Variants in NLGN4Y observed in about 807,000 individuals in gnomAD.
NLGN4Y encodes neuroligin 4 Y-linked, also known as neuroligin-4, Y-linked.
A neutral mutation model predicts 8.4 loss-of-function variants in NLGN4Y; 4 were observed. The ratio of observed to expected loss-of-function variants is 0.48; its 90% CI spans 0.23 to 1.09. The LOEUF (loss-of-function observed/expected upper bound fraction) is 1.09, where lower values mean the gene tolerates loss of function less well. Ranked by LOEUF, NLGN4Y falls within the 50% of genes least tolerant of loss-of-function variation. NLGN4Y has a pLI of 0.19. For synonymous variants in NLGN4Y, 35 were observed against 75.6 expected (o/e 0.46, Z 2.78); for missense variants, 90 against 192.3 (o/e 0.47, Z 3.15).
At chrY:14,792,522 G>T in intron 4 of NLGN4Y, among the ~76,000 whole-genome samples, 1 of 31,224 alleles carries the variant, frequency 3.2e-5, no homozygotes, top group Non-Finnish European at 7.7e-5. Flanking sequence ...AGGCATGGTG[G>T]CTCACACTTG....
intron 4 of NLGN4Y, among the ~76,000 whole-genome samples, chrY:14,779,563 C>A (rs974612328): frequency 9.0e-5 from 3 of 33,183 alleles, no homozygotes; most frequent in Non-Finnish European, 1.5e-4. Context: ...GCCAGCCAGC[C>A]AGCCAGCCTG....
At chrY:14,773,526 C>T (rs1041740695) in intron 4 of NLGN4Y, among the ~76,000 whole-genome samples, 1 of 31,867 alleles carries the variant, frequency 3.1e-5, no homozygotes, top group Admixed American at 2.9e-4. Flanking sequence ...GTCCTCTCCC[C>T]GTCAAGCTAC....
At chrY:14,593,732 C>T in intron 1 of NLGN4Y, among the ~76,000 whole-genome samples, 1 of 33,342 alleles carries the variant, frequency 3.0e-5, no homozygotes, top group African/African-American at 1.2e-4. Flanking sequence ...TCTCCTTCAC[C>T]TTTCTGATGG....
chrY:14,662,717 G>C (rs750411529), intron 2 of NLGN4Y, among the ~76,000 whole-genome samples: 40 of 33,270 alleles, frequency 1.2e-3, no homozygotes, highest in African/African-American at 4.3e-3. Context: ...TATATCTTTT[G>C]TTTTAAATTT....
At chrY:14,600,914 G>A (rs2150498187) in intron 1 of NLGN4Y, among the ~76,000 whole-genome samples, 1 of 31,439 alleles carries the variant, frequency 3.2e-5, no homozygotes, top group African/African-American at 1.2e-4. Context: ...GTAAATTAGT[G>A]TTGACTGCAG....
In NLGN4Y at chrY:14,841,361, T is replaced by C; in HGVS notation, c.*99T>C. On this transcript the variant is annotated 3_prime_UTR_variant, in exon 7 of 7. Transcript: ENST00000684976. ...AAAATCTCCAAACCAGGAATGTTTT[T>C]GTGCCACTGACTTTAGATAAAAATG... 4 of 317,624 alleles carry C rather than the reference T, an allele frequency of 1.3e-5. No individual in the cohort carries two copies. Among genetic ancestry groups the C allele is most frequent in the Non-Finnish European group, 1.8e-5 (4 of 216,924 alleles). The allele number at this position is 317,624 out of a possible 400,897, so 79.2% of individuals were successfully genotyped here.
At chrY:14,548,028 C>T in intron 1 of NLGN4Y, among the ~76,000 whole-genome samples, 7 of 32,808 alleles carry the variant, frequency 2.1e-4, no homozygotes, top group Non-Finnish European at 4.5e-4. Flanking sequence ...TTTGGAGATC[C>T]TTGGGACTGA....
intron 2 of NLGN4Y, among the ~76,000 whole-genome samples, chrY:14,692,321 T>G: frequency 3.0e-5 from 1 of 33,310 alleles, no homozygotes; most frequent in Non-Finnish European, 7.4e-5. Context: ...TATCTAATTC[T>G]TAGTAATCTA....
chrY:14,560,106 A>G (rs1603499629), intron 1 of NLGN4Y, among the ~76,000 whole-genome samples: 1 of 32,586 alleles, frequency 3.1e-5, no homozygotes, highest in East Asian at 8.0e-4. Context: ...GTGTGTGTGT[A>G]TGTGTGTTCT....
At chrY:14,635,107 A>T in intron 2 of NLGN4Y, among the ~76,000 whole-genome samples, 1 of 32,989 alleles carries the variant, frequency 3.0e-5, no homozygotes, top group Admixed American at 2.8e-4. Context: ...ATAATCATTC[A>T]CTCAACCAGG....
intron 2 of NLGN4Y, among the ~76,000 whole-genome samples, chrY:14,714,158 T>C (rs563789627): frequency 9.1e-5 from 3 of 33,043 alleles, no homozygotes; most frequent in Admixed American, 2.8e-4. Context: ...CTGGGTTTAT[T>C]CTTGAATAAA....
intron 4 of NLGN4Y, among the ~76,000 whole-genome samples, chrY:14,816,183 C>G: frequency 5.9e-5 from 2 of 33,845 alleles, no homozygotes; most frequent in African/African-American, 1.2e-4. Flanking sequence ...TTAACCACCC[C>G]TAGCATAGAA....
chrY:14,591,600 A>G (rs1030172375), intron 1 of NLGN4Y, among the ~76,000 whole-genome samples: 5 of 32,890 alleles, frequency 1.5e-4, no homozygotes, highest in Non-Finnish European at 3.0e-4. Flanking sequence ...AGAAGCAGAG[A>G]AGGCATCAGA....
intron 1 of NLGN4Y, among the ~76,000 whole-genome samples, chrY:14,601,912 G>A: frequency 3.1e-5 from 1 of 32,363 alleles, no homozygotes; most frequent in Admixed American, 2.8e-4. Flanking sequence ...GCTAGACTCG[G>A]TCTCAAATAA....
At chrY:14,737,009 G>A (rs2080993402) in intron 4 of NLGN4Y, among the ~76,000 whole-genome samples, 1 of 33,148 alleles carries the variant, frequency 3.0e-5, no homozygotes, top group East Asian at 7.9e-4. Context: ...TCATCTTCCA[G>A]ATAAAATCAT....
At chrY:14,661,296 C>T (rs931261922) in intron 2 of NLGN4Y, among the ~76,000 whole-genome samples, 2 of 32,438 alleles carry the variant, frequency 6.2e-5, no homozygotes, top group African/African-American at 1.2e-4. Context: ...ACAATGGGTA[C>T]GCGTGGTTGT....
At chrY:14,598,440 A>G (rs2150496769) in intron 1 of NLGN4Y, among the ~76,000 whole-genome samples, 12 of 33,832 alleles carry the variant, frequency 3.5e-4, no homozygotes, top group East Asian at 1.6e-3. Context: ...ACTGGCCCAG[A>G]TGCTAAGTCC....
intron 1 of NLGN4Y, among the ~76,000 whole-genome samples, chrY:14,542,470 T>A: frequency 3.0e-5 from 1 of 33,151 alleles, no homozygotes; most frequent in Admixed American, 2.7e-4. Context: ...CTAACAGACA[T>A]CTATAGAAGT....
chrY:14,544,978 T>A (rs2150466743), intron 1 of NLGN4Y, among the ~76,000 whole-genome samples: 1 of 24,954 alleles, frequency 4.0e-5, no homozygotes, highest in East Asian at 1.1e-3. Flanking sequence ...CCCCTTCCTG[T>A]GTACATGTGA....
Sources: gnomAD v4.1 joint callset for allele counts (sites outside exome capture counted in the v4.1 genomes callset) on GRCh38, gnomAD v4.1.1 for gene constraint, MANE v1.5 for transcripts, NCBI Gene and HGNC (gene_info 2026-07-23, HGNC 2026-07-21) for gene names.